The following ARHGAP26 variants were observed in gnomAD, a reference collection of about 807,000 sequenced individuals.
ARHGAP26 encodes the protein rho GTPase-activating protein 26.
Under a neutral mutation model 104.8 loss-of-function variants are expected in ARHGAP26, and 38 were observed. That is an observed-to-expected ratio of 0.36 (90% CI 0.28 to 0.48). ARHGAP26 has a LOEUF of 0.48. Ranked by LOEUF, ARHGAP26 falls within the 20% of genes least tolerant of loss-of-function variation. The pLI is 0.99. For synonymous variants in ARHGAP26, 341 were observed against 340.0 expected (o/e 1.00, Z -0.03); for missense variants, 704 against 947.9 (o/e 0.74, Z 3.38).
intron 11 of ARHGAP26, among the ~76,000 whole-genome samples, chr5:142,958,915 A>G (rs375686241): frequency 1.8e-4 from 19 of 104,140 alleles, no homozygotes; most frequent in African/African-American, 1.3e-3. Flanking sequence ...AAAAAAAAAA[A>G]AAAAGAAAAA....
At chr5:143,030,260 C>G (rs1034455535) in intron 12 of ARHGAP26, among the ~76,000 whole-genome samples, 8 of 152,148 alleles carry the variant, frequency 5.3e-5, no homozygotes, top group African/African-American at 1.9e-4. Context: ...CAGGGGCTCT[C>G]TTGACCCTCA....
intron 11 of ARHGAP26, among the ~76,000 whole-genome samples, chr5:142,989,385 G>A (rs2152750314): frequency 6.6e-6 from 1 of 151,454 alleles, no homozygotes; most frequent in Admixed American, 6.6e-5. Flanking sequence ...CTATGTGATG[G>A]GTCTCCTGAA....
intron 1 of ARHGAP26, among the ~76,000 whole-genome samples, chr5:142,776,443 C>G (rs1451228182): frequency 1.3e-5 from 2 of 152,222 alleles, no homozygotes; most frequent in Non-Finnish European, 1.5e-5. Context: ...CTACTACTTT[C>G]TGTCTCTATA....
At chr5:142,789,376 C>T (rs1759324043) in intron 1 of ARHGAP26, among the ~76,000 whole-genome samples, 1 of 152,168 alleles carries the variant, frequency 6.6e-6, no homozygotes, top group South Asian at 2.1e-4. Context: ...ACCTTGTACT[C>T]TGGCCAGTAT....
chr5:142,826,534 C>T (rs1012223687), intron 1 of ARHGAP26, among the ~76,000 whole-genome samples: 1 of 152,242 alleles, frequency 6.6e-6, no homozygotes, highest in African/African-American at 2.4e-5. Context: ...ATTATCACCA[C>T]GGTGAGTGGA....
At chr5:143,118,392 C>G (rs1795746440) in intron 17 of ARHGAP26, among the ~76,000 whole-genome samples, 1 of 152,182 alleles carries the variant, frequency 6.6e-6, no homozygotes, top group Admixed American at 6.5e-5. Flanking sequence ...CCCAGACACC[C>G]AGAGCTGGGA....
intron 17 of ARHGAP26, among the ~76,000 whole-genome samples, chr5:143,091,134 CT>C (rs1791366608): frequency 6.6e-6 from 1 of 152,168 alleles, no homozygotes; most frequent in African/African-American, 2.4e-5. Flanking sequence ...GGGTTTTCCC[CT>C]GGGACTATGG....
chr5:142,906,324 C>T (rs2152465013), intron 8 of ARHGAP26, among the ~76,000 whole-genome samples: 1 of 152,330 alleles, frequency 6.6e-6, no homozygotes, highest in South Asian at 2.1e-4. Context: ...TATCCTTCTC[C>T]TTATCACACT....
chr5:143,028,352 A>G (rs1781378184), intron 12 of ARHGAP26, among the ~76,000 whole-genome samples: 1 of 152,186 alleles, frequency 6.6e-6, no homozygotes, highest in Non-Finnish European at 1.5e-5. Context: ...AATAAACTAT[A>G]GTTTATTAAT....
At chr5:143,129,761 TATTGTC>T (rs1309869970) in intron 18 of ARHGAP26, among the ~76,000 whole-genome samples, 1 of 152,246 alleles carries the variant, frequency 6.6e-6, no homozygotes, top group African/African-American at 2.4e-5. Context: ...ATTCTGTTTT[TATTGTC>T]ATTTATACCA....
chr5:142,849,260 T>G (rs1479559696), intron 1 of ARHGAP26, among the ~76,000 whole-genome samples: 1 of 152,216 alleles, frequency 6.6e-6, no homozygotes, highest in African/African-American at 2.4e-5. Flanking sequence ...AGGTGTGGAC[T>G]CTTGTGTTCT....
At chr5:142,927,668 T>A (rs1478986981) in intron 10 of ARHGAP26, among the ~76,000 whole-genome samples, 6 of 152,232 alleles carry the variant, frequency 3.9e-5, no homozygotes, top group African/African-American at 1.4e-4. Flanking sequence ...ACATATGCAC[T>A]CATTTCTCTT....
In ARHGAP26 at chr5:142,890,165, T is replaced by A. The variant is rs867753709; in HGVS notation, c.487-4073T>A. On this transcript the variant is annotated intron_variant, in intron 5 of 22. Transcript: ENST00000645722. ...AAAAAAAAAAAAATATATATATATA[T>A]ATATATATATATATATATATATATA... 4.3e-3 allele frequency among the ~76,000 whole-genome samples: 321 copies of A among 74,278 alleles called. 3 individuals carry two copies. The highest frequency in any genetic ancestry group is 0.015 in the African/African-American group (226 of 15,476). 48.7% of individuals were successfully genotyped at this position (74,278 alleles called of 152,430 possible). A position where few individuals can be genotyped will look rare whatever the true frequency, so the allele number is the denominator to read the frequency against.
At chr5:143,114,923 TA>T (rs1488957760) in intron 17 of ARHGAP26, among the ~76,000 whole-genome samples, 3 of 152,156 alleles carry the variant, frequency 2.0e-5, no homozygotes, top group African/African-American at 7.2e-5. Flanking sequence ...CTGGGCAGGC[TA>T]GGGGCATGAT....
In ARHGAP26 at chr5:142,888,443, G is replaced by A. The variant is rs577836343; in HGVS notation, c.486+3044G>A. Among the ~76,000 whole-genome samples the A allele has an allele frequency of 2.6e-5, 4 of 152,196 alleles. No individual in the cohort carries two copies. In the South Asian group the frequency reaches 6.2e-4, roughly 24 times the overall value. ...TATGAGGGAACTGAGTTTCTCGTAGGGGTCAGGTGTTTTGCTCAAGGTGTT... is the reference window on the plus strand; with the variant it reads ...TATGAGGGAACTGAGTTTCTCGTAGAGGTCAGGTGTTTTGCTCAAGGTGTT... On this transcript the variant is annotated intron_variant, in intron 5 of 22. Coordinates refer to ENST00000645722, the MANE Select transcript of ARHGAP26 (RefSeq NM_001135608.3).
intron 1 of ARHGAP26, among the ~76,000 whole-genome samples, chr5:142,801,331 A>T (rs545524333): frequency 6.6e-6 from 1 of 152,162 alleles, no homozygotes; most frequent in South Asian, 2.1e-4. Flanking sequence ...GCGAATAGAA[A>T]TTGATGACGC....
At chr5:142,812,713 A>T (rs889563456) in intron 1 of ARHGAP26, among the ~76,000 whole-genome samples, 18 of 151,738 alleles carry the variant, frequency 1.2e-4, no homozygotes, top group South Asian at 8.3e-4. Flanking sequence ...ATTAAAAAAA[A>T]TTTTTTTAGC....
At chr5:142,810,402 C>T (rs1763829897) in intron 1 of ARHGAP26, among the ~76,000 whole-genome samples, 1 of 152,184 alleles carries the variant, frequency 6.6e-6, no homozygotes, top group South Asian at 2.1e-4. Context: ...GAGGGCATGA[C>T]TTCAGCCCCA....
At chr5:143,139,305 TATATCCAC>T (rs952498236) in intron 19 of ARHGAP26, among the ~76,000 whole-genome samples, 4 of 152,210 alleles carry the variant, frequency 2.6e-5, no homozygotes, top group Non-Finnish European at 5.9e-5. Context: ...GGTAGGTTCT[TATATCCAC>T]ATTTTACAGA....
Sources: gnomAD v4.1 joint callset for allele counts (sites outside exome capture counted in the v4.1 genomes callset) on GRCh38, gnomAD v4.1.1 for gene constraint, MANE v1.5 for transcripts, NCBI Gene and HGNC (gene_info 2026-07-23, HGNC 2026-07-21) for gene names.